Variants in GPHN observed in about 807,000 individuals in gnomAD.
GPHN encodes gephyrin.
Under a neutral mutation model 95.5 loss-of-function variants are expected in GPHN, and 17 were observed. The ratio of observed to expected loss-of-function variants is 0.18; its 90% confidence interval spans 0.12 to 0.27. The LOEUF is 0.27. GPHN is among the 10% of genes least tolerant of loss of function. GPHN has a pLI of 1.00. For synonymous variants in GPHN, 320 were observed against 322.5 expected, an observed-to-expected ratio of 0.99 and a Z score of 0.08; for missense variants, 660 against 978.1, an observed-to-expected ratio of 0.67 and a Z score of 4.34.
chr14:67,659,803 T>C, the GPHN span: 1 of 1,614,112 alleles, frequency 6.2e-7, no homozygotes, highest in Non-Finnish European at 8.5e-7. Context: ...CTGTCAAAGG[T>C]GTGCTTCTCA....
the GPHN span, chr14:67,383,852 G>A: frequency 4.2e-6 from 1 of 239,438 alleles, no homozygotes; most frequent in Non-Finnish European, 8.3e-6. Context: ...AAATTTCTGG[G>A]ATATTTAACT....
chr14:67,411,993 G>A, the GPHN span: 1 of 1,534,820 alleles, frequency 6.5e-7, no homozygotes, highest in South Asian at 1.2e-5. Context: ...CCCGGGCAAT[G>A]TCCCGAAGCT....
At chr14:67,511,934 C>T in the GPHN span, among the ~76,000 whole-genome samples, 703 of 152,286 alleles carry the variant, frequency 4.6e-3, no homozygotes, top group African/African-American at 0.016. Context: ...ATGTGTGTGT[C>T]GGGGTGAAAA....
the GPHN span, chr14:67,316,967 AAT>A: frequency 1.5e-6 from 2 of 1,292,146 alleles, no homozygotes; most frequent in Middle Eastern, 1.9e-4. Context: ...GCCATGTGTG[AAT>A]CTGCATATTA....
the GPHN span, chr14:67,579,509 G>C: frequency 1.5e-6 from 1 of 651,282 alleles, no homozygotes; most frequent in Non-Finnish European, 2.6e-6. Context: ...GTTGGTAAAG[G>C]AGGGACCCAG....
At chr14:67,460,596 C>T in the GPHN span, among the ~76,000 whole-genome samples, 18 of 152,078 alleles carry the variant, frequency 1.2e-4, no homozygotes, top group Admixed American at 1.0e-3. Context: ...CCCAGGTACT[C>T]GGGAGGCTGA....
chr14:67,543,791 AC>A, the GPHN span, among the ~76,000 whole-genome samples: 1 of 146,662 alleles, frequency 6.8e-6, no homozygotes, highest in Non-Finnish European at 1.5e-5. Flanking sequence ...CAAAAAAAAA[AC>A]CCACTATGAA....
chr14:67,035,015 G>C (rs186496618), intron 10 of GPHN, among the ~76,000 whole-genome samples: 397 of 152,024 alleles, frequency 2.6e-3, no homozygotes, highest in South Asian at 4.6e-3. Context: ...CACATATTAG[G>C]CTAAAAAACA....
chr14:67,706,978 A>G, the GPHN span, among the ~76,000 whole-genome samples: 1 of 152,244 alleles, frequency 6.6e-6, no homozygotes, highest in Admixed American at 6.5e-5. Flanking sequence ...AATAAACAAA[A>G]GAAAAATCCT....
chr14:67,712,493 C>CAAAAAAAAAAAAAAAA, the GPHN span, among the ~76,000 whole-genome samples: 2 of 38,930 alleles, frequency 5.1e-5, no homozygotes, highest in Non-Finnish European at 1.5e-4. Flanking sequence ...AAAAAACTTG[C>CAAAAAAAAAAAAAAAA]AAAAAAAAAA....
chr14:66,729,270 A>T lies in GPHN; in HGVS notation c.144-47194A>T, dbSNP rs188366018. ...AAATGGACTAATACATATCCCCAGG[A>T]TATCTCATTATATATGTATGCATAT... On this transcript the variant is annotated intron_variant, in intron 2 of 22. Coordinates refer to ENST00000478722, the MANE Select transcript of GPHN (RefSeq NM_020806.5). 1.5e-3 allele frequency among the ~76,000 whole-genome samples: 230 copies of T among 152,282 alleles called. 6 individuals are homozygous for T. Among genetic ancestry groups the T allele is most frequent in the Non-Finnish European group, 5.0e-4 (34 of 68,016 alleles).
chr14:67,236,085 G>C, the GPHN span, among the ~76,000 whole-genome samples: 1 of 152,152 alleles, frequency 6.6e-6, no homozygotes. Context: ...GTTTTGTGGT[G>C]AGAACATTTA....
chr14:66,693,652 T>C (rs1323781861), intron 2 of GPHN, among the ~76,000 whole-genome samples: 1 of 152,132 alleles, frequency 6.6e-6, no homozygotes, highest in Non-Finnish European at 1.5e-5. Flanking sequence ...CTGCCCACAT[T>C]GAGGGCAGAT....
the GPHN span, among the ~76,000 whole-genome samples, chr14:67,558,399 C>G: frequency 0.12 from 18,526 of 152,108 alleles, 1,521 homozygotes; most frequent in East Asian, 0.28. Context: ...AATGGAGGTG[C>G]CTTTGTATGC....
chr14:67,555,931 C>G, the GPHN span: 6 of 1,602,020 alleles, frequency 3.7e-6, no homozygotes, highest in African/African-American at 5.4e-5. Flanking sequence ...GGGGAATGAC[C>G]GTCGGCCCTT....
intron 4 of GPHN, among the ~76,000 whole-genome samples, chr14:66,830,446 C>G (rs991009322): frequency 6.6e-6 from 1 of 151,970 alleles, no homozygotes; most frequent in Admixed American, 6.6e-5. Context: ...TAAGTAAAAT[C>G]TCACTGTTAA....
At chr14:67,653,522 T>C in the GPHN span, 1 of 1,602,862 alleles carries the variant, frequency 6.2e-7, no homozygotes, top group Non-Finnish European at 8.5e-7. Context: ...ATAGTGATTA[T>C]TTCCCTCTTT....
intron 2 of GPHN, among the ~76,000 whole-genome samples, chr14:66,696,502 C>A (rs2068105920): frequency 6.6e-6 from 1 of 152,176 alleles, no homozygotes. Context: ...CAGCTGACAA[C>A]CTAGAAATAT....
At chr14:67,140,023 A>G (rs916213846) in intron 17 of GPHN, among the ~76,000 whole-genome samples, 2 of 152,184 alleles carry the variant, frequency 1.3e-5, no homozygotes, top group Non-Finnish European at 1.5e-5. Context: ...AGAAAATTTC[A>G]TGTAGAGAAT....
Sources: gnomAD v4.1 joint callset for allele counts (sites outside exome capture counted in the v4.1 genomes callset) on GRCh38, gnomAD v4.1.1 for gene constraint, MANE v1.5 for transcripts, NCBI Gene and HGNC (gene_info 2026-07-23, HGNC 2026-07-21) for gene names.